The following SIK3 variants were observed in gnomAD, a reference collection of about 807,000 sequenced individuals.
SIK3 encodes the protein SIK family kinase 3.
SIK3 carries 28 observed loss-of-function variants against 144.2 expected under a neutral mutation model. The observed-to-expected ratio is 0.19, with a 90% CI of 0.14 to 0.27. The LOEUF is 0.27. Among genes scored for constraint, SIK3 ranks in the 10% least tolerant of loss-of-function variants. SIK3 has a pLI of 1.00. For synonymous variants in SIK3, 686 were observed against 676.3 expected, an observed-to-expected ratio of 1.01 and a Z score of -0.22; for missense variants, 1,319 against 1,776.0, an observed-to-expected ratio of 0.74 and a Z score of 4.62.
At chr11:117,085,086 C>T (rs527705179) in intron 1 of SIK3, among the ~76,000 whole-genome samples, 1 of 151,542 alleles carries the variant, frequency 6.6e-6, no homozygotes, top group East Asian at 1.9e-4. Context: ...ATGTGCTAAT[C>T]AATCTTTCTT....
At chr11:116,848,390 G>A (rs1942170209) in intron 22 of SIK3, among the ~76,000 whole-genome samples, 1 of 152,116 alleles carries the variant, frequency 6.6e-6, no homozygotes, top group African/African-American at 2.4e-5. Context: ...TGGTGTGACT[G>A]AGGAACTGAA....
chr11:116,891,680 G>A (rs958959748), intron 6 of SIK3, among the ~76,000 whole-genome samples: 4 of 152,120 alleles, frequency 2.6e-5, no homozygotes, highest in South Asian at 2.1e-4. Context: ...GAGAAAGAGA[G>A]AGAAAATGTA....
At chr11:116,968,959 T>G (rs1268428370) in intron 1 of SIK3, among the ~76,000 whole-genome samples, 1 of 152,098 alleles carries the variant, frequency 6.6e-6, no homozygotes, top group Non-Finnish European at 1.5e-5. Context: ...GCCAATGAGA[T>G]CCAAAAGAAT....
intron 11 of SIK3, among the ~76,000 whole-genome samples, chr11:116,874,762 A>G (rs991752764): frequency 1.3e-5 from 2 of 152,218 alleles, no homozygotes; most frequent in African/African-American, 4.8e-5. Context: ...TCTCAGGAGA[A>G]TTCTTCCCAC....
rs577654923 is a variant in SIK3 at position 117,080,486 on chromosome 11, G to A, written c.273+17657C>T. On this transcript the variant is annotated intron_variant, in intron 1 of 24. Coordinates refer to ENST00000445177, the MANE Select transcript of SIK3 (RefSeq NM_001366686.3). The stretch of plus-strand genomic sequence containing the variant: ...AAGAATACATAACTTTTGAGACGTT[G>A]ACTCTAGGTCACACTAAATAAAATT... Among the ~76,000 whole-genome samples, 264 of 152,218 alleles carry A rather than the reference G, an allele frequency of 1.7e-3. 1 individual carries two copies. The highest frequency in any genetic ancestry group is 3.3e-3 in the Non-Finnish European group (226 of 68,000).
In SIK3 at chr11:116,858,188, A is replaced by C. The variant is rs1396998039; in HGVS notation, c.3277T>G (p.Leu1093Val). ...GGQSMTERQA[L>V]SYQNADSYHH... is the part of the protein sequence containing the mutation. ...TAAGAGTCAGCATTTTGATAAGATA[A>C]AGCCTGGCGCTCTGTCATGCTCTGT... Residue 1093 changes from leucine to valine, a missense_variant, in exon 21 of 25, where the codon TTA becomes GTA. Leu to Val is a conservative substitution (Grantham distance 32). This residue lies in a region of SIK3 where 646 missense variants were observed against 763.7 expected (regional missense o/e 0.85). Coordinates refer to ENST00000445177, the MANE Select transcript of SIK3 (RefSeq NM_001366686.3). This position sits in a 1 kb window ranked among gnomAD's most constrained non-coding sequence, Gnocchi z 5.4. 5 of 1,614,000 alleles carry C rather than the reference A, an allele frequency of 3.1e-6. No individual in the cohort carries two copies. In the East Asian group the frequency reaches 8.9e-5, roughly 29 times the overall value.
At chr11:117,050,119 G>A (rs1369970882) in intron 1 of SIK3, among the ~76,000 whole-genome samples, 1 of 151,160 alleles carries the variant, frequency 6.6e-6, no homozygotes, top group Non-Finnish European at 1.5e-5. Flanking sequence ...GCAAAACCTT[G>A]TCTCTTCAAA....
intron 1 of SIK3, among the ~76,000 whole-genome samples, chr11:117,082,819 C>T (rs1489136977): frequency 1.3e-5 from 2 of 152,068 alleles, no homozygotes; most frequent in Admixed American, 1.3e-4. Context: ...AAACTGGAAG[C>T]CCCCTGAGGT....
rs472111 is a variant in SIK3 at position 116,846,153 on chromosome 11, G to C, written c.*13+230C>G. ...AGTCTTGTGTCTTATTCCCATAACC[G>C]AACCAAGAGACTGTGTTTAGCATTT... On this transcript the variant is annotated intron_variant, in intron 24 of 24. Transcript: ENST00000445177. This position sits in a 1 kb window ranked among gnomAD's most constrained non-coding sequence, Gnocchi z 4.1. Among the ~76,000 whole-genome samples, 69,050 of 152,066 alleles carry C rather than the reference G, an allele frequency of 0.45. 19,014 individuals are homozygous for C. The highest frequency in any genetic ancestry group is 0.63 in the Non-Finnish European group (43,020 of 67,966).
chr11:117,055,526 CAGAAG>C (rs1201913026), intron 1 of SIK3, among the ~76,000 whole-genome samples: 2 of 152,150 alleles, frequency 1.3e-5, no homozygotes, highest in Non-Finnish European at 2.9e-5. Context: ...GATGAGGGAA[CAGAAG>C]AGAAGGTGGG....
chr11:116,984,475 G>T (rs1018051650), intron 1 of SIK3, among the ~76,000 whole-genome samples: 1 of 151,992 alleles, frequency 6.6e-6, no homozygotes, highest in Non-Finnish European at 1.5e-5. Context: ...ACTTCACTTC[G>T]CTCCCCTCTG....
At chr11:116,965,137 C>G (rs1180044977) in intron 1 of SIK3, among the ~76,000 whole-genome samples, 1 of 152,034 alleles carries the variant, frequency 6.6e-6, no homozygotes, top group Admixed American at 6.6e-5. Context: ...ACTTGAAATT[C>G]AAGATATAGA....
chr11:117,040,211 G>T (rs189810594), intron 1 of SIK3, among the ~76,000 whole-genome samples: 1 of 152,150 alleles, frequency 6.6e-6, no homozygotes, highest in South Asian at 2.1e-4. Flanking sequence ...AAGCAGTACT[G>T]TATAGTGATA....
intron 21 of SIK3, among the ~76,000 whole-genome samples, chr11:116,851,585 A>T (rs940008275): frequency 1.3e-5 from 2 of 152,212 alleles, no homozygotes; most frequent in African/African-American, 4.8e-5. Flanking sequence ...CTTCCCAGCT[A>T]CCAAAGATGA....
At chr11:116,988,130 C>T (rs1451433453) in intron 1 of SIK3, among the ~76,000 whole-genome samples, 1 of 152,132 alleles carries the variant, frequency 6.6e-6, no homozygotes, top group African/African-American at 2.4e-5. Flanking sequence ...AATGCAGTAA[C>T]GCCTGTAATC....
chr11:116,986,885 C>T (rs1311846752), intron 1 of SIK3, among the ~76,000 whole-genome samples: 2 of 151,996 alleles, frequency 1.3e-5, no homozygotes, highest in Non-Finnish European at 2.9e-5. Flanking sequence ...GTTCTCAAGA[C>T]AAAAATGAAA....
chr11:116,850,917 G>A (rs1272683073), intron 21 of SIK3, among the ~76,000 whole-genome samples: 1 of 152,170 alleles, frequency 6.6e-6, no homozygotes, highest in Non-Finnish European at 1.5e-5. Flanking sequence ...GCTGAGGCAG[G>A]GGAATTGCTT....
At chr11:117,081,773 T>A (rs1954800203) in intron 1 of SIK3, among the ~76,000 whole-genome samples, 1 of 152,124 alleles carries the variant, frequency 6.6e-6, no homozygotes, top group Non-Finnish European at 1.5e-5. Context: ...TTTAAACAAC[T>A]ATATAAATTA....
intron 3 of SIK3, among the ~76,000 whole-genome samples, chr11:116,931,189 T>C (rs546319621): frequency 7.9e-5 from 12 of 152,086 alleles, no homozygotes; most frequent in Non-Finnish European, 1.6e-4. Context: ...CGAAGAGTAA[T>C]ATTGTTAGAA....
Sources: allele counts gnomAD v4.1 joint callset (sites outside exome capture counted in the v4.1 genomes callset), GRCh38; gene constraint gnomAD v4.1.1; regional missense constraint gnomAD v4.1.1; non-coding constraint Gnocchi (gnomAD v3.1); transcripts MANE v1.5; gene names NCBI Gene and HGNC (gene_info 2026-07-23, HGNC 2026-07-21).